Variants in SPAG16 observed in about 807,000 individuals in gnomAD.
The protein encoded by SPAG16 is sperm associated antigen 16, also known as sperm-associated antigen 16 protein.
Under a neutral mutation model 80.4 loss-of-function variants are expected in SPAG16, and 86 were observed. The ratio of observed to expected loss-of-function variants is 1.07; its 90% confidence interval spans 0.90 to 1.28. SPAG16 has a LOEUF of 1.28. Ranked by LOEUF, SPAG16 falls within the 50% of genes most tolerant of loss-of-function variation. The probability of loss-of-function intolerance (pLI) is 0.00; values close to 1 mark genes in which losing one functional copy is unlikely to be tolerated. For missense variants in SPAG16, 870 were observed against 765.3 expected (o/e 1.14, Z -1.61); for synonymous variants, 294 against 265.9 (o/e 1.11, Z -1.03).
At chr2:213,893,742 A>G in intron 11 of SPAG16, among the ~76,000 whole-genome samples, 1 of 152,102 alleles carries the variant, frequency 6.6e-6, no homozygotes, top group East Asian at 1.9e-4. Flanking sequence ...AAAGCCTATA[A>G]TAGATAAAGT....
At chr2:214,360,606 A>AT (rs1699122222) in intron 15 of SPAG16, among the ~76,000 whole-genome samples, 1 of 151,900 alleles carries the variant, frequency 6.6e-6, no homozygotes, top group Non-Finnish European at 1.5e-5. Context: ...TTAGTCCACT[A>AT]GGGCCAAAAC....
chr2:213,296,327 T>A (rs1355275075), intron 2 of SPAG16, among the ~76,000 whole-genome samples: 1 of 152,210 alleles, frequency 6.6e-6, no homozygotes, highest in Non-Finnish European at 1.5e-5. Context: ...CTTTTGATTT[T>A]CCTGTTAATC....
intron 13 of SPAG16, among the ~76,000 whole-genome samples, chr2:214,099,261 C>A (rs2052821764): frequency 6.6e-6 from 1 of 151,952 alleles, no homozygotes; most frequent in Non-Finnish European, 1.5e-5. Context: ...ATAGGTATAA[C>A]AAGGAATAGA....
chr2:214,223,562 T>A (rs1296604612), intron 15 of SPAG16, among the ~76,000 whole-genome samples: 1 of 152,152 alleles, frequency 6.6e-6, no homozygotes, highest in African/African-American at 2.4e-5. Flanking sequence ...GAGGTTGGTA[T>A]TTAGTAGCAA....
At chr2:213,627,361 A>G (rs2061997107) in intron 10 of SPAG16, among the ~76,000 whole-genome samples, 1 of 152,208 alleles carries the variant, frequency 6.6e-6, no homozygotes, top group African/African-American at 2.4e-5. Context: ...AATCTAAAAC[A>G]AATACTGATT....
intron 11 of SPAG16, among the ~76,000 whole-genome samples, chr2:213,875,671 A>G (rs540288298): frequency 2.6e-5 from 4 of 152,264 alleles, no homozygotes; most frequent in African/African-American, 4.8e-5. Context: ...GAGTGTTAAC[A>G]TTTTCAGGAT....
intron 14 of SPAG16, among the ~76,000 whole-genome samples, chr2:214,118,054 G>A (rs1364073592): frequency 1.3e-5 from 2 of 152,176 alleles, no homozygotes; most frequent in Non-Finnish European, 2.9e-5. Context: ...AAAGGAGGAA[G>A]ACAAATTGTC....
intron 10 of SPAG16, among the ~76,000 whole-genome samples, chr2:213,703,161 G>A (rs1015113316): frequency 6.6e-6 from 1 of 152,188 alleles, no homozygotes; most frequent in Non-Finnish European, 1.5e-5. Flanking sequence ...CAGAGCTGCA[G>A]CCAACCAATA....
At chr2:213,611,175 C>A (rs1326018830) in intron 10 of SPAG16, among the ~76,000 whole-genome samples, 3 of 152,022 alleles carry the variant, frequency 2.0e-5, no homozygotes, top group Non-Finnish European at 4.4e-5. Context: ...ATGTGTTGTC[C>A]CTCCCACCTT....
At chr2:213,767,289 A>G (rs2068987509) in intron 10 of SPAG16, among the ~76,000 whole-genome samples, 1 of 152,220 alleles carries the variant, frequency 6.6e-6, no homozygotes, top group Non-Finnish European at 1.5e-5. Flanking sequence ...ATACATACCC[A>G]TACCACGCAG....
At chr2:213,334,738 G>A (rs1406450971) in intron 5 of SPAG16, among the ~76,000 whole-genome samples, 9 of 152,094 alleles carry the variant, frequency 5.9e-5, no homozygotes. Context: ...ATTTATCTGT[G>A]GAATCTAGAA....
intron 12 of SPAG16, among the ~76,000 whole-genome samples, chr2:214,011,133 A>ATC (rs1183767946): frequency 6.9e-6 from 1 of 145,250 alleles, no homozygotes; most frequent in Non-Finnish European, 1.5e-5. Flanking sequence ...CTTAATTTTT[A>ATC]TCTCTCTCTT....
chr2:213,682,335 C>A (rs1391888629), intron 10 of SPAG16, among the ~76,000 whole-genome samples: 1 of 152,186 alleles, frequency 6.6e-6, no homozygotes, highest in Non-Finnish European at 1.5e-5. Context: ...GGAATTAAGT[C>A]AGGTTCTTTT....
At chr2:214,259,139 T>G (rs1690934382) in intron 15 of SPAG16, among the ~76,000 whole-genome samples, 1 of 151,808 alleles carries the variant, frequency 6.6e-6, no homozygotes, top group Non-Finnish European at 1.5e-5. Flanking sequence ...TGTAGATACT[T>G]TTAATTTTGT....
chr2:213,784,447 A>G (rs1245139618), intron 10 of SPAG16, among the ~76,000 whole-genome samples: 1 of 148,834 alleles, frequency 6.7e-6, no homozygotes, highest in Non-Finnish European at 1.5e-5. Flanking sequence ...GTAGTTTATC[A>G]GTAAAACCAA....
chr2:213,743,068 T>C (rs1055291106), intron 10 of SPAG16, among the ~76,000 whole-genome samples: 2 of 142,894 alleles, frequency 1.4e-5, no homozygotes, highest in Non-Finnish European at 3.2e-5. Context: ...CACGCCCGGC[T>C]AATTTTTTGT....
chr2:214,296,908 G>T (rs1694172512), intron 15 of SPAG16, among the ~76,000 whole-genome samples: 1 of 152,126 alleles, frequency 6.6e-6, no homozygotes, highest in Admixed American at 6.6e-5. Flanking sequence ...TTGTTTAAAA[G>T]AATGTGGCAC....
chr2:214,355,246 G>T (rs1250107929), intron 15 of SPAG16, among the ~76,000 whole-genome samples: 2 of 142,800 alleles, frequency 1.4e-5, no homozygotes, highest in Non-Finnish European at 3.1e-5. Context: ...CCTACAAAAT[G>T]GGAGAAAATT....
chr2:213,403,164 T>C (rs1338079477), intron 9 of SPAG16, among the ~76,000 whole-genome samples: 7 of 144,328 alleles, frequency 4.9e-5, no homozygotes, highest in African/African-American at 1.9e-4. Context: ...TGATTTGCAT[T>C]TCTCTGATGG....
Sources: allele counts gnomAD v4.1 joint callset (sites outside exome capture counted in the v4.1 genomes callset), GRCh38; gene constraint gnomAD v4.1.1; transcripts MANE v1.5; gene names NCBI Gene and HGNC (gene_info 2026-07-23, HGNC 2026-07-21).